The following MSI2 variants were observed in gnomAD, a reference collection of about 807,000 sequenced individuals.
The protein encoded by MSI2 is RNA-binding protein Musashi homolog 2.
In MSI2, 17 loss-of-function variants were observed where a neutral mutation model predicts 45.6. That is an observed-to-expected ratio of 0.37 (90% CI 0.26 to 0.56). The LOEUF (loss-of-function observed/expected upper bound fraction) is 0.56. Ranked by LOEUF, MSI2 falls within the 20% of genes least tolerant of loss-of-function variation. MSI2 has a pLI of 0.77. For missense variants in MSI2, 293 were observed against 444.2 expected, an observed-to-expected ratio of 0.66 and a Z score of 3.06; for synonymous variants, 156 against 158.2, an observed-to-expected ratio of 0.99 and a Z score of 0.11.
intron 6 of MSI2, among the ~76,000 whole-genome samples, chr17:57,517,473 CTTGT>C (rs1271932509): frequency 6.6e-6 from 1 of 152,198 alleles, no homozygotes; most frequent in Admixed American, 6.5e-5. Flanking sequence ...GCCTGAGCAG[CTTGT>C]CCGAGAGGGC....
intron 10 of MSI2, among the ~76,000 whole-genome samples, chr17:57,636,520 G>C (rs1181539737): frequency 1.3e-5 from 2 of 152,102 alleles, no homozygotes; most frequent in East Asian, 1.9e-4. Context: ...GAGACCCCGG[G>C]GTGCGCTCAG....
intron 5 of MSI2, among the ~76,000 whole-genome samples, chr17:57,338,169 A>G (rs1298032006): frequency 6.6e-6 from 1 of 151,836 alleles, no homozygotes; most frequent in East Asian, 1.9e-4. Flanking sequence ...GGCTCACTAC[A>G]ACCTCCACCT....
At chr17:57,620,891 G>C (rs1908225954) in intron 9 of MSI2, among the ~76,000 whole-genome samples, 1 of 152,210 alleles carries the variant, frequency 6.6e-6, no homozygotes, top group Non-Finnish European at 1.5e-5. Context: ...AGTTGTATCT[G>C]AGGAGATACA....
chr17:57,575,728 G>C (rs1419788661), intron 7 of MSI2, among the ~76,000 whole-genome samples: 1 of 151,806 alleles, frequency 6.6e-6, no homozygotes. Flanking sequence ...GGTGGATCAC[G>C]AGGTCAGGAG....
At chr17:57,326,475 C>A (rs115099889) in intron 5 of MSI2, among the ~76,000 whole-genome samples, 2,253 of 152,282 alleles carry the variant, frequency 0.015, 59 homozygotes, top group African/African-American at 0.052. Context: ...GTCTGTATTT[C>A]TTGGTTCAAG....
intron 5 of MSI2, among the ~76,000 whole-genome samples, chr17:57,394,069 G>A (rs900879724): frequency 6.6e-6 from 1 of 152,180 alleles, no homozygotes; most frequent in Non-Finnish European, 1.5e-5. Flanking sequence ...TCCCAAAGCA[G>A]CTGCACTATT....
intron 5 of MSI2, among the ~76,000 whole-genome samples, chr17:57,307,366 T>C (rs970425921): frequency 3.9e-5 from 6 of 152,106 alleles, no homozygotes; most frequent in Non-Finnish European, 8.8e-5. Flanking sequence ...GCAATTCTGC[T>C]TCTGGACTGC....
intron 5 of MSI2, among the ~76,000 whole-genome samples, chr17:57,395,021 C>G (rs961501075): frequency 1.3e-5 from 2 of 152,160 alleles, no homozygotes; most frequent in African/African-American, 4.8e-5. Context: ...CCTCTGGAGG[C>G]TCCATGGGAA....
intron 10 of MSI2, chr17:57,629,042 T>C (rs1444038523): frequency 2.0e-5 from 3 of 152,312 alleles, no homozygotes; most frequent in African/African-American, 7.2e-5. Context: ...GACCAGGCGG[T>C]CTGGGCCTTA....
At chr17:57,503,815 G>A (rs1420736714) in intron 6 of MSI2, among the ~76,000 whole-genome samples, 1 of 152,234 alleles carries the variant, frequency 6.6e-6, no homozygotes, top group Non-Finnish European at 1.5e-5. Flanking sequence ...CGCAATCGCG[G>A]CTCACGACAA....
At chr17:57,485,266 G>A (rs1032447249) in intron 6 of MSI2, among the ~76,000 whole-genome samples, 13 of 152,184 alleles carry the variant, frequency 8.5e-5, no homozygotes, top group Admixed American at 7.9e-4. Context: ...GTTTCACAGC[G>A]AGGAACAGGG....
intron 7 of MSI2, among the ~76,000 whole-genome samples, chr17:57,585,244 T>C (rs2088315524): frequency 6.6e-6 from 1 of 152,178 alleles, no homozygotes; most frequent in African/African-American, 2.4e-5. Flanking sequence ...ACATCTGCCT[T>C]ACAGACATGT....
chr17:57,639,962 C>T (rs918794767), intron 10 of MSI2, among the ~76,000 whole-genome samples: 10 of 152,140 alleles, frequency 6.6e-5, no homozygotes, highest in African/African-American at 1.9e-4. Flanking sequence ...GCCCTAGATG[C>T]GGGGGACACA....
chr17:57,303,887 C>G (rs1167774003), intron 5 of MSI2, among the ~76,000 whole-genome samples: 1 of 152,210 alleles, frequency 6.6e-6, no homozygotes, highest in Non-Finnish European at 1.5e-5. Context: ...AGTACAGGCT[C>G]TTCCTGGGGT....
chr17:57,414,296 T>G (rs772230830), intron 6 of MSI2, among the ~76,000 whole-genome samples: 2 of 152,138 alleles, frequency 1.3e-5, no homozygotes, highest in African/African-American at 2.4e-5. Flanking sequence ...CAGTAGTTGG[T>G]GCTCAGTAAA....
intron 6 of MSI2, among the ~76,000 whole-genome samples, chr17:57,452,820 CTCG>C (rs2085044009): frequency 6.6e-6 from 1 of 152,072 alleles, no homozygotes; most frequent in Non-Finnish European, 1.5e-5. Flanking sequence ...TGTCATCACC[CTCG>C]TCTTACAGGT....
intron 5 of MSI2, among the ~76,000 whole-genome samples, chr17:57,294,203 G>A (rs1910723430): frequency 6.6e-6 from 1 of 152,150 alleles, no homozygotes; most frequent in Non-Finnish European, 1.5e-5. Flanking sequence ...ATATTTGTTT[G>A]ACCTTTTTAT....
chr17:57,555,210 C>T (rs1384783424), intron 7 of MSI2, among the ~76,000 whole-genome samples: 1 of 152,214 alleles, frequency 6.6e-6, no homozygotes, highest in African/African-American at 2.4e-5. Flanking sequence ...GCGTCCGCAC[C>T]GCCAGCTCTG....
chr17:57,333,477 G>T lies in MSI2; in HGVS notation c.313-67902G>T, dbSNP rs548011404. The stretch of plus-strand genomic sequence containing the variant: ...TTTTGAGACAGAGTCTCACTCCATC[G>T]CCCAGGCTGGAGTGCAGTGGCACAA... On this transcript the variant is annotated intron_variant, in intron 5 of 13. Coordinates refer to ENST00000284073, the MANE Select transcript of MSI2 (RefSeq NM_138962.4). Among the ~76,000 whole-genome samples, 18 of 147,438 alleles carry T rather than the reference G, an allele frequency of 1.2e-4. No homozygotes were observed. The East Asian group carries it at 2.6e-3, about 21-fold the overall frequency.
Sources: allele counts gnomAD v4.1 joint callset (sites outside exome capture counted in the v4.1 genomes callset), GRCh38; gene constraint gnomAD v4.1.1; transcripts MANE v1.5; gene names NCBI Gene and HGNC (gene_info 2026-07-23, HGNC 2026-07-21).